The following TMOD3 variants were observed in gnomAD, a reference collection of about 807,000 sequenced individuals.
TMOD3 encodes the protein tropomodulin 3.
TMOD3 carries 20 observed loss-of-function variants against 39.2 expected under a neutral mutation model. The ratio of observed to expected loss-of-function variants is 0.51; its 90% CI spans 0.36 to 0.74. The LOEUF (loss-of-function observed/expected upper bound fraction) is 0.74, where lower values mean the gene tolerates loss of function less well. Ranked by LOEUF, TMOD3 falls within the 30% of genes least tolerant of loss-of-function variation. TMOD3 has a pLI of 0.00. For synonymous variants in TMOD3, 143 were observed against 145.8 expected, an observed-to-expected ratio of 0.98 and a Z score of 0.14; for missense variants, 381 against 412.8, an observed-to-expected ratio of 0.92 and a Z score of 0.67.
chr15:51,837,688 C>T (rs2056293491), intron 1 of TMOD3, among the ~76,000 whole-genome samples: 1 of 152,108 alleles, frequency 6.6e-6, no homozygotes, highest in African/African-American at 2.4e-5. Context: ...TTCTGTTAGT[C>T]CTCAGCACAC....
rs532494434 is a variant in TMOD3, at chr15:51,908,252, A to G, written c.1025-524A>G. ...CACACTAATTTATTAGCTGTTTTTT[A>G]AAACCTGAGTATGTACTTTTTCAGT... On this transcript the variant is annotated intron_variant, in intron 9 of 9. Coordinates refer to ENST00000308580, the MANE Select transcript of TMOD3 (RefSeq NM_014547.5). 5.9e-5 allele frequency among the ~76,000 whole-genome samples: 9 copies of G among 152,284 alleles called. No homozygotes were observed. The East Asian group carries it at 1.7e-3, about 29-fold the overall frequency.
chr15:51,839,667 C>G (rs2056304041), intron 1 of TMOD3, among the ~76,000 whole-genome samples: 1 of 152,120 alleles, frequency 6.6e-6, no homozygotes, highest in African/African-American at 2.4e-5. Context: ...CTGCCTCAGT[C>G]TCCCAAGTAG....
chr15:51,860,642 A>C, intron 1 of TMOD3: 1 of 534,908 alleles, frequency 1.9e-6, no homozygotes, highest in Non-Finnish European at 3.7e-6. Flanking sequence ...TCTTACAAAA[A>C]ACTACATAGG....
chr15:51,858,582 CT>C (rs1469526207), intron 1 of TMOD3, among the ~76,000 whole-genome samples: 1 of 152,070 alleles, frequency 6.6e-6, no homozygotes, highest in Non-Finnish European at 1.5e-5. Flanking sequence ...TTTTTTTCCC[CT>C]GTGATTACAG....
intron 3 of TMOD3, among the ~76,000 whole-genome samples, chr15:51,883,947 A>T (rs554388865): frequency 3.8e-4 from 58 of 152,370 alleles, no homozygotes; most frequent in Non-Finnish European, 6.9e-4. Context: ...TGGAATTATC[A>T]GGACATAATG....
chr15:51,845,930 A>G (rs899143507), intron 1 of TMOD3, among the ~76,000 whole-genome samples: 2 of 152,150 alleles, frequency 1.3e-5, no homozygotes, highest in East Asian at 3.8e-4. Flanking sequence ...TATTCTAGCA[A>G]AGAAAGGGAG....
At chr15:51,874,214 C>A (rs890029846) in intron 3 of TMOD3, among the ~76,000 whole-genome samples, 1 of 151,974 alleles carries the variant, frequency 6.6e-6, no homozygotes, top group Non-Finnish European at 1.5e-5. Context: ...TTTTAGAAAC[C>A]TGATAGACTG....
Position 51,909,511 on chromosome 15 carries a change from G to A in TMOD3, c.*701G>A, listed in dbSNP as rs541257883. 2 of 152,592 alleles carry A rather than the reference G, an allele frequency of 1.3e-5. No individual in the cohort carries two copies. Among genetic ancestry groups the A allele is most frequent in the South Asian group, 2.1e-4 (1 of 4,820 alleles). 9.5% of individuals were successfully genotyped at this position (152,592 alleles called of 1,614,324 possible). A position where few individuals can be genotyped will look rare whatever the true frequency, so the allele number is the denominator to read the frequency against. On this transcript the variant is annotated 3_prime_UTR_variant, in exon 10 of 10. Coordinates refer to ENST00000308580, the MANE Select transcript of TMOD3 (RefSeq NM_014547.5). ...TATAGTGAGGTCGAAGTTCATTCCA[G>A]TGTTTCATTTTAATAATGTGGGCAT...
chr15:51,887,496 C>G, intron 3 of TMOD3, 93 bp from the exon 4 acceptor site: 1 of 1,273,550 alleles, frequency 7.9e-7, no homozygotes, highest in South Asian at 1.6e-5. Context: ...TCTTTTCCTT[C>G]AGGTTCAGTT....
chr15:51,888,544 C>T (rs1442987310), intron 4 of TMOD3, among the ~76,000 whole-genome samples: 1 of 152,174 alleles, frequency 6.6e-6, no homozygotes, highest in Non-Finnish European at 1.5e-5. Flanking sequence ...TATTTTTCCT[C>T]CTAAGTGTCA....
intron 1 of TMOD3, among the ~76,000 whole-genome samples, chr15:51,848,034 T>C (rs2623247): frequency 0.66 from 100,448 of 151,954 alleles, 34,400 homozygotes; most frequent in East Asian, 1. Flanking sequence ...CTTGCATTTC[T>C]ATCATTTCAG....
chr15:51,905,969 A>AAG (rs2056678043), intron 9 of TMOD3, among the ~76,000 whole-genome samples: 1 of 150,928 alleles, frequency 6.6e-6, no homozygotes, highest in African/African-American at 2.4e-5. Flanking sequence ...AAAAAAAAAA[A>AAG]AAAAAAAAAA....
At chr15:51,880,738 A>G (rs562841010) in intron 3 of TMOD3, among the ~76,000 whole-genome samples, 2 of 152,316 alleles carry the variant, frequency 1.3e-5, no homozygotes, top group South Asian at 2.1e-4. Flanking sequence ...GTTAATGGAC[A>G]TGGGTTGTTG....
At chr15:51,856,945 C>T (rs1029014126) in intron 1 of TMOD3, among the ~76,000 whole-genome samples, 14 of 152,192 alleles carry the variant, frequency 9.2e-5, no homozygotes, top group African/African-American at 2.2e-4. Context: ...AACTCTCTCA[C>T]GCATGTGTAC....
At chr15:51,893,234 G>A (rs963757864) in intron 5 of TMOD3, among the ~76,000 whole-genome samples, 1 of 142,832 alleles carries the variant, frequency 7.0e-6, no homozygotes, top group Non-Finnish European at 1.5e-5. Flanking sequence ...GGAGGAGGTC[G>A]CAGTGAGCCA....
At position 51,911,769 on chromosome 15, in the gene TMOD3, G is replaced by A. The variant is rs188470017; in HGVS notation, c.*2959G>A. 1.6e-3 allele frequency: 243 copies of A among 152,202 alleles called. 11 individuals carry two copies. The highest frequency in any genetic ancestry group is 9.8e-3 in the East Asian group (51 of 5,186). The allele number at this position is 152,202 out of a possible 1,614,324, so 9.4% of individuals were successfully genotyped here. Reference sequence around the variant, plus strand: ...TGTATGTATTAAAAACTCAATATTAGTGGCAAATATTAATACTATTAAAAT... The same window carrying A: ...TGTATGTATTAAAAACTCAATATTAATGGCAAATATTAATACTATTAAAAT... On this transcript the variant is annotated 3_prime_UTR_variant, in exon 10 of 10. Coordinates refer to ENST00000308580, the MANE Select transcript of TMOD3 (RefSeq NM_014547.5).
chr15:51,868,461 A>G (rs1032362911), intron 2 of TMOD3, among the ~76,000 whole-genome samples: 1 of 151,922 alleles, frequency 6.6e-6, no homozygotes, highest in Non-Finnish European at 1.5e-5. Flanking sequence ...ACCCTCCTCT[A>G]TGCTCCAATA....
At chr15:51,899,922 A>G (rs1397370737) in intron 7 of TMOD3, among the ~76,000 whole-genome samples, 1 of 152,204 alleles carries the variant, frequency 6.6e-6, no homozygotes, top group South Asian at 2.1e-4. Flanking sequence ...GCCATTTTCT[A>G]TAAGGCACTT....
chr15:51,886,486 G>C (rs886983476), intron 3 of TMOD3, among the ~76,000 whole-genome samples: 1 of 151,986 alleles, frequency 6.6e-6, no homozygotes, highest in Non-Finnish European at 1.5e-5. Flanking sequence ...CCAACACGGC[G>C]AAACCCCGTC....
Sources: allele counts gnomAD v4.1 joint callset (sites outside exome capture counted in the v4.1 genomes callset), GRCh38; gene constraint gnomAD v4.1.1; transcripts MANE v1.5; gene names NCBI Gene and HGNC (gene_info 2026-07-23, HGNC 2026-07-21).